The following STK39 variants were observed in gnomAD, a reference collection of about 807,000 sequenced individuals.
STK39 encodes the protein serine/threonine kinase 39.
Under a neutral mutation model 77.8 loss-of-function variants are expected in STK39, and 20 were observed. The ratio of observed to expected loss-of-function variants is 0.26; its 90% CI spans 0.18 to 0.37. STK39 has a LOEUF of 0.37. STK39 is among the 10% of genes least tolerant of loss of function. The pLI is 1.00. For missense variants in STK39, 479 were observed against 656.5 expected (o/e 0.73, Z 2.95); for synonymous variants, 246 against 234.1 (o/e 1.05, Z -0.47).
Position 168,176,301 on chromosome 2 carries a change from C to G in STK39, c.321+5677G>C, listed in dbSNP as rs114839702. Among the ~76,000 whole-genome samples, 528 of 151,532 alleles carry G rather than the reference C, an allele frequency of 3.5e-3. 5 individuals are homozygous for G. The highest frequency in any genetic ancestry group is 0.012 in the African/African-American group (505 of 41,084). On this transcript the variant is annotated intron_variant, in intron 2 of 17. Coordinates refer to ENST00000355999, the MANE Select transcript of STK39 (RefSeq NM_013233.3). ...AACAAGGTTTTGAGAGTTTCTCCCC[C>G]CCTTAAACCTCAATTAAAAGGAAGA...
At chr2:168,026,285 G>T (rs1473144394) in intron 14 of STK39, among the ~76,000 whole-genome samples, 1 of 152,120 alleles carries the variant, frequency 6.6e-6, no homozygotes, top group Non-Finnish European at 1.5e-5. Context: ...CCCTCTCTTG[G>T]CTCTCACTCT....
chr2:168,188,626 G>C (rs1215763896), intron 1 of STK39, among the ~76,000 whole-genome samples: 2 of 152,120 alleles, frequency 1.3e-5, no homozygotes, highest in Non-Finnish European at 2.9e-5. Context: ...CATGTCATAT[G>C]GTTCAACATA....
At chr2:168,126,715 G>A (rs1358167116) in intron 10 of STK39, among the ~76,000 whole-genome samples, 2 of 152,150 alleles carry the variant, frequency 1.3e-5, no homozygotes, top group Non-Finnish European at 2.9e-5. Context: ...CTATGAATGA[G>A]AAATGAGCCA....
intron 8 of STK39, 129 bp from the exon 9 acceptor site, chr2:168,129,887 A>G (rs954168271): frequency 3.1e-6 from 3 of 954,334 alleles, no homozygotes; most frequent in African/African-American, 1.6e-5. Flanking sequence ...CTGGGAACCA[A>G]ATTAATCATA....
chr2:168,150,112 G>A (rs907468067), intron 5 of STK39, among the ~76,000 whole-genome samples: 1 of 152,236 alleles, frequency 6.6e-6, no homozygotes, highest in African/African-American at 2.4e-5. Context: ...CATCGAAGAA[G>A]AGAAGCACTA....
chr2:168,211,326 T>G (rs1222792402), intron 1 of STK39, among the ~76,000 whole-genome samples: 1 of 152,210 alleles, frequency 6.6e-6, no homozygotes, highest in Non-Finnish European at 1.5e-5. Flanking sequence ...GAGTGACTGT[T>G]CTTCATTTCA....
In STK39 at chr2:168,078,245, T is replaced by A. The variant is rs149743082; in HGVS notation, c.1090-3014A>T. On this transcript the variant is annotated intron_variant, in intron 10 of 17. Coordinates refer to ENST00000355999, the MANE Select transcript of STK39 (RefSeq NM_013233.3). ...CTTCTCTTTCTCTAAATGTTATTTTTAATGAAAACCCGTTAAATAAATGAA... is the reference window on the plus strand; with the variant it reads ...CTTCTCTTTCTCTAAATGTTATTTTAAATGAAAACCCGTTAAATAAATGAA... Among the ~76,000 whole-genome samples, 164 of 152,304 alleles carry A rather than the reference T, an allele frequency of 1.1e-3. No individual in the cohort carries two copies. In the South Asian group the frequency reaches 0.014, roughly 13 times the overall value.
rs181661371 is a variant in STK39, at chr2:168,218,678, G to A, written c.208+28550C>T. ...TAATTCCAGCCATAGAGAACAAACA[G>A]AAGAACACAGAATACACTCCTCCTC... On this transcript the variant is annotated intron_variant, in intron 1 of 17. Coordinates refer to ENST00000355999, the MANE Select transcript of STK39 (RefSeq NM_013233.3). Among the ~76,000 whole-genome samples the A allele has an allele frequency of 1.3e-5, 2 of 152,194 alleles. 1 individual carries two copies. Among genetic ancestry groups the A allele is most frequent in the East Asian group, 3.9e-4 (2 of 5,180 alleles).
intron 15 of STK39, among the ~76,000 whole-genome samples, chr2:168,016,821 T>C (rs930004216): frequency 1.3e-5 from 2 of 152,224 alleles, no homozygotes; most frequent in African/African-American, 4.8e-5. Context: ...CTTATATTGG[T>C]ATGTATACTG....
intron 1 of STK39, among the ~76,000 whole-genome samples, chr2:168,210,623 G>A (rs1689866087): frequency 6.6e-6 from 1 of 152,134 alleles, no homozygotes; most frequent in Non-Finnish European, 1.5e-5. Context: ...GGGTTCAAGC[G>A]ATTCTCCTGC....
At chr2:168,163,595 C>T in intron 4 of STK39, 144 bp downstream of exon 4, 1 of 1,583,786 alleles carries the variant, frequency 6.3e-7, no homozygotes, top group Non-Finnish European at 8.5e-7. Context: ...CAAACTAGGG[C>T]TGAAGATATG....
chr2:167,976,192 G>T (rs953093160), intron 16 of STK39, among the ~76,000 whole-genome samples: 4 of 152,116 alleles, frequency 2.6e-5, no homozygotes, highest in African/African-American at 9.7e-5. Context: ...AATAACAAAA[G>T]AAGTGAGTAT....
chr2:168,021,784 A>AT (rs776609425), intron 14 of STK39, among the ~76,000 whole-genome samples: 91,340 of 142,292 alleles, frequency 0.64, 29,121 homozygotes, highest in Non-Finnish European at 0.72. Flanking sequence ...CAGAAAGGAC[A>AT]TTTATTTTTT....
chr2:168,172,642 A>G (rs930034847), intron 2 of STK39, among the ~76,000 whole-genome samples: 5 of 11,828 alleles, frequency 4.2e-4, no homozygotes, highest in African/African-American at 1.2e-3. Context: ...ATAAAACACT[A>G]AAAGGAAAGA....
chr2:168,174,411 G>A (rs759784392), intron 2 of STK39, among the ~76,000 whole-genome samples: 12 of 152,208 alleles, frequency 7.9e-5, no homozygotes, highest in Non-Finnish European at 1.8e-4. Flanking sequence ...ATTAAAATTC[G>A]CTTGGAAGTG....
intron 16 of STK39, among the ~76,000 whole-genome samples, chr2:167,994,591 C>T (rs1683784026): frequency 6.6e-6 from 1 of 152,172 alleles, no homozygotes; most frequent in Non-Finnish European, 1.5e-5. Flanking sequence ...TAAGCAGTCA[C>T]TCCCCCATTC....
chr2:168,090,866 G>A (rs192727653), intron 10 of STK39, among the ~76,000 whole-genome samples: 1 of 152,260 alleles, frequency 6.6e-6, no homozygotes, highest in Admixed American at 6.5e-5. Flanking sequence ...AGCAGCTGGT[G>A]TCAAGAAAAC....
intron 1 of STK39, among the ~76,000 whole-genome samples, chr2:168,185,025 A>C (rs1689173536): frequency 6.6e-6 from 1 of 152,238 alleles, no homozygotes; most frequent in Non-Finnish European, 1.5e-5. Flanking sequence ...AAGCTAAAAA[A>C]TGTGGGGCTT....
intron 5 of STK39, among the ~76,000 whole-genome samples, chr2:168,148,947 G>A (rs761433944): frequency 4.6e-5 from 7 of 152,160 alleles, no homozygotes; most frequent in Non-Finnish European, 8.8e-5. Context: ...TTGAGCAACA[G>A]GTCCTCAAGC....
Sources: allele counts gnomAD v4.1 joint callset (sites outside exome capture counted in the v4.1 genomes callset), GRCh38; gene constraint gnomAD v4.1.1; transcripts MANE v1.5; gene names NCBI Gene and HGNC (gene_info 2026-07-23, HGNC 2026-07-21).